Variants in WWOX observed in about 807,000 individuals in gnomAD.
WWOX encodes WW domain-containing oxidoreductase.
WWOX carries 69 observed loss-of-function variants against 46.2 expected under a neutral mutation model. The ratio of observed to expected loss-of-function variants is 1.49; its 90% CI spans 1.23 to 1.82. The LOEUF is 1.82. WWOX is among the 40% of genes most tolerant of loss of function. The pLI is 0.00. For synonymous variants in WWOX, 359 were observed against 202.6 expected, an observed-to-expected ratio of 1.77 and a Z score of -6.56; for missense variants, 919 against 542.6, an observed-to-expected ratio of 1.69 and a Z score of -6.89.
chr16:79,168,672 G>C (rs1342686189), intron 8 of WWOX, among the ~76,000 whole-genome samples: 1 of 152,132 alleles, frequency 6.6e-6, no homozygotes, highest in African/African-American at 2.4e-5. Flanking sequence ...TTCACCTCTA[G>C]GCTCTTACCT....
chr16:78,383,550 C>T lies in WWOX; in HGVS notation c.517-3310C>T, dbSNP rs74028141. Among the ~76,000 whole-genome samples the T allele has an allele frequency of 6.2e-3, 951 of 152,230 alleles. 8 individuals are homozygous for T. Among genetic ancestry groups the T allele is most frequent in the African/African-American group, 0.019 (787 of 41,536 alleles). On this transcript the variant is annotated intron_variant, in intron 5 of 8. Coordinates refer to ENST00000566780, the MANE Select transcript of WWOX (RefSeq NM_016373.4). ...CAGTTCACCTCTCGAAAAGGGGTTC[C>T]GTTTGCAATCTGTCAGCCACTACCT...
chr16:78,451,886 G>A (rs76783999), intron 8 of WWOX, among the ~76,000 whole-genome samples: 7,481 of 152,170 alleles, frequency 0.049, 598 homozygotes, highest in African/African-American at 0.17. Flanking sequence ...TTGGGGAGCC[G>A]CCATCATTCC....
At chr16:78,371,814 C>A (rs1375395484) in intron 5 of WWOX, among the ~76,000 whole-genome samples, 1 of 152,050 alleles carries the variant, frequency 6.6e-6, no homozygotes, top group Non-Finnish European at 1.5e-5. Flanking sequence ...TATCTTTTAT[C>A]TTTAACATTT....
At chr16:78,688,808 T>C (rs1156622052) in intron 8 of WWOX, among the ~76,000 whole-genome samples, 1 of 152,178 alleles carries the variant, frequency 6.6e-6, no homozygotes, top group Non-Finnish European at 1.5e-5. Flanking sequence ...CCACGTGTCA[T>C]GGGAGGGACC....
intron 8 of WWOX, among the ~76,000 whole-genome samples, chr16:78,647,342 C>G (rs1291425994): frequency 1.3e-5 from 2 of 152,146 alleles, no homozygotes; most frequent in Non-Finnish European, 1.5e-5. Context: ...AGCTGCAGAC[C>G]ATTGTTTAGC....
chr16:79,207,579 T>C (rs1277004355), intron 8 of WWOX, among the ~76,000 whole-genome samples: 1 of 152,266 alleles, frequency 6.6e-6, no homozygotes, highest in African/African-American at 2.4e-5. Flanking sequence ...CTCACAATCA[T>C]TGAATATATA....
At chr16:78,559,473 T>A (rs1004313032) in intron 8 of WWOX, among the ~76,000 whole-genome samples, 1 of 152,154 alleles carries the variant, frequency 6.6e-6, no homozygotes, top group African/African-American at 2.4e-5. Flanking sequence ...CTCCAGCCAA[T>A]GGATTTATGA....
chr16:78,115,561 A>G (rs1369726746), intron 4 of WWOX, among the ~76,000 whole-genome samples: 1 of 152,238 alleles, frequency 6.6e-6, no homozygotes, highest in Non-Finnish European at 1.5e-5. Flanking sequence ...AGGATACTAC[A>G]GGTTTCGACT....
chr16:78,198,034 C>T (rs2036111565), intron 5 of WWOX, among the ~76,000 whole-genome samples: 1 of 151,978 alleles, frequency 6.6e-6, no homozygotes. Context: ...CACTCCTCTT[C>T]CCTAAAACTG....
intron 5 of WWOX, among the ~76,000 whole-genome samples, chr16:78,378,981 C>T (rs1330690447): frequency 4.6e-5 from 7 of 152,226 alleles, no homozygotes; most frequent in East Asian, 3.9e-4. Context: ...AGTCATGTGA[C>T]GACATGAGCA....
chr16:78,698,290 G>T (rs550325877), intron 8 of WWOX, among the ~76,000 whole-genome samples: 2 of 152,312 alleles, frequency 1.3e-5, no homozygotes, highest in African/African-American at 4.8e-5. Context: ...GTTTACCACT[G>T]ACCCCATCAG....
intron 8 of WWOX, among the ~76,000 whole-genome samples, chr16:79,018,844 T>C (rs937417461): frequency 6.6e-6 from 1 of 152,008 alleles, no homozygotes; most frequent in African/African-American, 2.4e-5. Context: ...ATAATGGGGA[T>C]AGAAATATAC....
intron 5 of WWOX, among the ~76,000 whole-genome samples, chr16:78,314,405 C>CAAAA (rs56032982): frequency 1.5e-3 from 156 of 101,488 alleles, no homozygotes; most frequent in Non-Finnish European, 2.1e-3. Context: ...GACTCTGTCT[C>CAAAA]AAAAAAAAAA....
At chr16:78,420,466 C>T (rs1002992276) in intron 6 of WWOX, among the ~76,000 whole-genome samples, 1 of 152,060 alleles carries the variant, frequency 6.6e-6, no homozygotes, top group Non-Finnish European at 1.5e-5. Context: ...ATATATGCTA[C>T]AACATGGATG....
chr16:78,252,287 T>C (rs1024429819), intron 5 of WWOX, among the ~76,000 whole-genome samples: 1 of 152,252 alleles, frequency 6.6e-6, no homozygotes, highest in Non-Finnish European at 1.5e-5. Context: ...AAATCATATG[T>C]ATGTATATGT....
rs77883435 is a variant in WWOX, at chr16:78,779,424, C to A, written c.1056+346672C>A. On this transcript the variant is annotated intron_variant, in intron 8 of 8. Transcript: ENST00000566780. ...AGCTTGACATTACAGGTAAGAGCCA[C>A]CGTGTCCGGCCCCCCTTTCTTCTTT... Among the ~76,000 whole-genome samples, 168 of 152,264 alleles carry A rather than the reference C, an allele frequency of 1.1e-3. 1 individual carries two copies. In the East Asian group the frequency reaches 0.026, roughly 24 times the overall value.
At chr16:78,755,583 G>A (rs1374626954) in intron 8 of WWOX, among the ~76,000 whole-genome samples, 1 of 152,154 alleles carries the variant, frequency 6.6e-6, no homozygotes, top group African/African-American at 2.4e-5. Context: ...CCTGCCCGAA[G>A]CCTCTCAGTG....
rs553130435 is a variant in WWOX, at chr16:78,131,875, C to A, written c.409+16721C>A. ...CTGGGATTACAGGCGTGAGCCACCGCGCCTGGCAAGGATTTTTTTTTTTTC... is the reference window on the plus strand; with the variant it reads ...CTGGGATTACAGGCGTGAGCCACCGAGCCTGGCAAGGATTTTTTTTTTTTC... On this transcript the variant is annotated intron_variant, in intron 4 of 8. Transcript: ENST00000566780. Among the ~76,000 whole-genome samples the A allele has an allele frequency of 9.4e-4, 142 of 151,718 alleles. 1 individual carries two copies. The highest frequency in any genetic ancestry group is 1.6e-3 in the Non-Finnish European group (107 of 67,954).
chr16:78,882,809 T>G (rs1366541341), intron 8 of WWOX, among the ~76,000 whole-genome samples: 2 of 150,212 alleles, frequency 1.3e-5, no homozygotes, highest in Non-Finnish European at 3.0e-5. Context: ...AATATAAAGT[T>G]TTTACAATGC....
Sources: gnomAD v4.1 joint callset for allele counts (sites outside exome capture counted in the v4.1 genomes callset) on GRCh38, gnomAD v4.1.1 for gene constraint, MANE v1.5 for transcripts, NCBI Gene and HGNC (gene_info 2026-07-23, HGNC 2026-07-21) for gene names.